TM9SF2: variants seen among roughly 807,000 people sequenced by gnomAD.
The protein encoded by TM9SF2 is 76 kDa membrane protein.
A neutral mutation model predicts 84.9 loss-of-function variants in TM9SF2; 13 were observed. The ratio of observed to expected loss-of-function variants is 0.15; its 90% CI spans 0.10 to 0.24. The LOEUF (loss-of-function observed/expected upper bound fraction) is 0.24, where lower values mean the gene tolerates loss of function less well. TM9SF2 is among the 10% of genes least tolerant of loss of function. The pLI is 1.00. For synonymous variants in TM9SF2, 273 were observed against 285.8 expected, an observed-to-expected ratio of 0.96 and a Z score of 0.45; for missense variants, 562 against 818.5, an observed-to-expected ratio of 0.69 and a Z score of 3.82.
intron 1 of TM9SF2, among the ~76,000 whole-genome samples, chr13:99,513,678 G>A (rs752596810): frequency 2.0e-5 from 3 of 152,158 alleles, no homozygotes; most frequent in Non-Finnish European, 4.4e-5. Context: ...CCAGCTTACT[G>A]CTTGTTTTTA....
intron 1 of TM9SF2, among the ~76,000 whole-genome samples, chr13:99,503,869 A>C (rs2046077922): frequency 6.6e-6 from 1 of 152,118 alleles, no homozygotes; most frequent in Non-Finnish European, 1.5e-5. Flanking sequence ...TTTTTAGTTA[A>C]TCTTGGGAGT....
intron 4 of TM9SF2, among the ~76,000 whole-genome samples, chr13:99,532,151 A>T (rs935203219): frequency 6.6e-6 from 1 of 151,184 alleles, no homozygotes; most frequent in Non-Finnish European, 1.5e-5. Flanking sequence ...TCCCGGGTCC[A>T]CGCCATTCTC....
chr13:99,516,486 G>A (rs762696715), intron 1 of TM9SF2, among the ~76,000 whole-genome samples: 10 of 152,186 alleles, frequency 6.6e-5, no homozygotes, highest in Admixed American at 3.3e-4. Context: ...CAGGGCACAC[G>A]TGACTTGCTG....
At chr13:99,510,517 T>C (rs1197309574) in intron 1 of TM9SF2, among the ~76,000 whole-genome samples, 2 of 152,130 alleles carry the variant, frequency 1.3e-5, no homozygotes, top group African/African-American at 2.4e-5. Flanking sequence ...TGGGGAGGCC[T>C]CAGGAAGCTT....
At chr13:99,537,898 A>C in intron 6 of TM9SF2, 35 bp downstream of exon 6, 1 of 1,582,770 alleles carries the variant, frequency 6.3e-7, no homozygotes, top group Admixed American at 1.9e-5. Context: ...AAACAAGTAT[A>C]AGTGAAATTT....
At position 99,515,524 on chromosome 13, in the gene TM9SF2, C is replaced by T. The variant is rs141575144; in HGVS notation, c.172-2090C>T. On this transcript the variant is annotated intron_variant, in intron 1 of 16. Coordinates refer to ENST00000376387, the MANE Select transcript of TM9SF2 (RefSeq NM_004800.3). The stretch of plus-strand genomic sequence containing the variant: ...TAGGGGCCACATATGATGCTGTTGT[C>T]GGTATTACATGCAAAGGCTAATGCC... Among the ~76,000 whole-genome samples the T allele has an allele frequency of 1.2e-3, 189 of 152,170 alleles. 2 individuals carry two copies. Among genetic ancestry groups the T allele is most frequent in the African/African-American group, 4.3e-3 (177 of 41,492 alleles).
At chr13:99,538,576 A>T (rs2046244564) in intron 6 of TM9SF2, among the ~76,000 whole-genome samples, 2 of 151,990 alleles carry the variant, frequency 1.3e-5, no homozygotes, top group Non-Finnish European at 2.9e-5. Flanking sequence ...CAGGAGGATC[A>T]CTTGAGGCCA....
chr13:99,539,235 A>T (rs930795883), intron 6 of TM9SF2, among the ~76,000 whole-genome samples: 3 of 151,796 alleles, frequency 2.0e-5, no homozygotes, highest in Non-Finnish European at 4.4e-5. Flanking sequence ...AAAAAAAAAG[A>T]TTATTTAAAT....
chr13:99,550,431 T>C (rs1594060397), intron 12 of TM9SF2, among the ~76,000 whole-genome samples: 1 of 152,370 alleles, frequency 6.6e-6, no homozygotes, highest in East Asian at 1.9e-4. Flanking sequence ...CGATTTTCTC[T>C]GTATTGTCTA....
intron 1 of TM9SF2, among the ~76,000 whole-genome samples, chr13:99,509,619 G>A (rs1177212593): frequency 1.3e-5 from 2 of 152,202 alleles, no homozygotes; most frequent in South Asian, 4.1e-4. Context: ...TGGCCTGAAT[G>A]CTGGGATCCC....
chr13:99,509,237 G>A (rs914962842), intron 1 of TM9SF2, among the ~76,000 whole-genome samples: 3 of 152,192 alleles, frequency 2.0e-5, no homozygotes, highest in Non-Finnish European at 4.4e-5. Flanking sequence ...GCTTTTCCAG[G>A]CACAGGGTGT....
Position 99,554,348 on chromosome 13 carries a change from T to C in TM9SF2, c.1533T>C (p.Ile511=). 6.2e-7 allele frequency: 1 copy of C among 1,614,068 alleles called. No homozygotes were observed. Among genetic ancestry groups the C allele is most frequent in the South Asian group, 1.1e-5 (1 of 91,060 alleles). The change falls in exon 14 of 17, where the codon ATT becomes ATC. Residue 511 remains isoleucine, a synonymous_variant. Transcript: ENST00000376387. ...GAACCAATCAGATTCCACGTCAGAT[T>C]CCTGAACAGTCGTTCTACACGAAGC... ...PVRTNQIPRQ[I]PEQSFYTKPL...
intron 3 of TM9SF2, among the ~76,000 whole-genome samples, chr13:99,522,378 G>T (rs2046164658): frequency 6.6e-6 from 1 of 152,136 alleles, no homozygotes; most frequent in Non-Finnish European, 1.5e-5. Context: ...AACTTTTAAA[G>T]TTTCCTAAAC....
intron 1 of TM9SF2, among the ~76,000 whole-genome samples, chr13:99,506,315 G>T (rs1437746780): frequency 6.6e-6 from 1 of 152,122 alleles, no homozygotes; most frequent in East Asian, 1.9e-4. Context: ...GTATTTATTG[G>T]TATAGTGATA....
chr13:99,533,045 A>G (rs2046217718), intron 4 of TM9SF2, among the ~76,000 whole-genome samples: 1 of 152,220 alleles, frequency 6.6e-6, no homozygotes, highest in African/African-American at 2.4e-5. Flanking sequence ...CCTATTTCAG[A>G]GAGATTTTAC....
At chr13:99,520,757 A>G (rs535940528) in intron 3 of TM9SF2, among the ~76,000 whole-genome samples, 20 of 152,082 alleles carry the variant, frequency 1.3e-4, no homozygotes, top group African/African-American at 4.6e-4. Flanking sequence ...TTTAGTAGAG[A>G]TGGGGTTCCA....
intron 9 of TM9SF2, among the ~76,000 whole-genome samples, chr13:99,542,750 T>C (rs2046266322): frequency 6.6e-6 from 1 of 152,190 alleles, no homozygotes; most frequent in Non-Finnish European, 1.5e-5. Context: ...AAATACTCTG[T>C]TTATAATTGG....
intron 16 of TM9SF2, 81 bp from the exon 17 acceptor site, chr13:99,562,610 C>T: frequency 1.5e-6 from 2 of 1,367,808 alleles, no homozygotes; most frequent in Non-Finnish European, 2.0e-6. Context: ...TTTAAGGAAC[C>T]AGTCATTGTA....
intron 3 of TM9SF2, among the ~76,000 whole-genome samples, chr13:99,520,755 A>T (rs2046155958): frequency 6.6e-6 from 1 of 152,180 alleles, no homozygotes; most frequent in African/African-American, 2.4e-5. Context: ...TTTTTAGTAG[A>T]GATGGGGTTC....
Sources: gnomAD v4.1 joint callset for allele counts (sites outside exome capture counted in the v4.1 genomes callset) on GRCh38, gnomAD v4.1.1 for gene constraint, MANE v1.5 for transcripts, NCBI Gene and HGNC (gene_info 2026-07-23, HGNC 2026-07-21) for gene names.